Variants in ACACA observed in about 807,000 individuals in gnomAD.
ACACA encodes acetyl-CoA carboxylase alpha.
Under a neutral mutation model 296.1 loss-of-function variants are expected in ACACA, and 103 were observed. That is an observed-to-expected ratio of 0.35 (90% confidence interval 0.30 to 0.41). The LOEUF is 0.41. Among genes scored for constraint, ACACA ranks in the 10% least tolerant of loss-of-function variants. ACACA has a pLI of 1.00. For synonymous variants in ACACA, 953 were observed against 1,038.6 expected, an observed-to-expected ratio of 0.92 and a Z score of 1.58; for missense variants, 1,554 against 2,989.7, an observed-to-expected ratio of 0.52 and a Z score of 11.20.
intron 48 of ACACA, 105 bp from the exon 49 acceptor site, chr17:37,122,732 AAC>A (rs1479902870): frequency 5.5e-5 from 50 of 906,168 alleles, no homozygotes; most frequent in Non-Finnish European, 1.8e-6. Context: ...ACTAGAAACA[AAC>A]ACAGAGAGCA....
chr17:37,158,554 C>T (rs1446427489), intron 42 of ACACA, among the ~76,000 whole-genome samples: 1 of 151,976 alleles, frequency 6.6e-6, no homozygotes, highest in Non-Finnish European at 1.5e-5. Context: ...TGCTTCAACC[C>T]AGGAGGCAGA....
At chr17:37,170,293 T>C (rs2076836517) in intron 41 of ACACA, among the ~76,000 whole-genome samples, 1 of 151,962 alleles carries the variant, frequency 6.6e-6, no homozygotes, top group South Asian at 2.1e-4. Context: ...GATTCTGGAA[T>C]GAACAGCTCA....
intron 41 of ACACA, among the ~76,000 whole-genome samples, chr17:37,176,645 C>A (rs2077127719): frequency 6.6e-6 from 1 of 152,164 alleles, no homozygotes; most frequent in African/African-American, 2.4e-5. Flanking sequence ...CTGGGCTCAG[C>A]ACGAGGAAAT....
chr17:37,292,389 T>C (rs2083111781), intron 3 of ACACA, among the ~76,000 whole-genome samples: 1 of 152,160 alleles, frequency 6.6e-6, no homozygotes, highest in Admixed American at 6.6e-5. Context: ...CCCTTGGAAC[T>C]TTCTAAACAG....
At chr17:37,239,774 A>T (rs903262823) in intron 24 of ACACA, among the ~76,000 whole-genome samples, 4 of 152,178 alleles carry the variant, frequency 2.6e-5, no homozygotes, top group Admixed American at 6.5e-5. Flanking sequence ...CGGTTTGCTG[A>T]TATCTACATG....
At chr17:37,271,970 T>C (rs2146413930) in intron 9 of ACACA, among the ~76,000 whole-genome samples, 1 of 152,256 alleles carries the variant, frequency 6.6e-6, no homozygotes, top group African/African-American at 2.4e-5. Context: ...AGACCCTGTT[T>C]CAATAAAATA....
chr17:37,344,442 C>T (rs1175097915), intron 1 of ACACA, among the ~76,000 whole-genome samples: 1 of 152,096 alleles, frequency 6.6e-6, no homozygotes, highest in Admixed American at 6.6e-5. Flanking sequence ...CCTATAATCC[C>T]AGCTACCTGG....
intron 45 of ACACA, among the ~76,000 whole-genome samples, chr17:37,148,135 C>A (rs1286761635): frequency 3.3e-5 from 5 of 150,868 alleles, no homozygotes; most frequent in Admixed American, 2.6e-4. Flanking sequence ...TTTTTAAAAT[C>A]TTTCAAAAAT....
intron 54 of ACACA, among the ~76,000 whole-genome samples, chr17:37,094,656 C>G (rs1428323758): frequency 6.6e-6 from 1 of 151,514 alleles, no homozygotes; most frequent in African/African-American, 2.4e-5. Context: ...CACTGCAACC[C>G]TTTCTTCTCT....
chr17:37,272,662 T>C (rs1292170447), intron 9 of ACACA, among the ~76,000 whole-genome samples: 1 of 152,068 alleles, frequency 6.6e-6, no homozygotes, highest in Non-Finnish European at 1.5e-5. Context: ...CCATTAAAAA[T>C]ATTTTGGAAG....
intron 1 of ACACA, among the ~76,000 whole-genome samples, chr17:37,381,815 GAT>G (rs2050287827): frequency 2.6e-5 from 4 of 151,662 alleles, no homozygotes; most frequent in South Asian, 4.2e-4. Context: ...TTTTGGTAGA[GAT>G]GGGGTTTCAC....
At chr17:37,235,935 A>T (rs571391799) in intron 24 of ACACA, among the ~76,000 whole-genome samples, 1 of 152,240 alleles carries the variant, frequency 6.6e-6, no homozygotes, top group South Asian at 2.1e-4. Flanking sequence ...GATATCTGCC[A>T]TGGGATATAA....
At position 37,275,420 on chromosome 17, in the gene ACACA, C is replaced by T. The variant is rs534227625; in HGVS notation, c.901+531G>A. Among the ~76,000 whole-genome samples the T allele has an allele frequency of 8.6e-4, 120 of 139,078 alleles. 1 individual carries two copies. The highest frequency in any genetic ancestry group is 3.1e-3 in the African/African-American group (114 of 36,194). The allele number at this position is 139,078 out of a possible 152,430, so 91.2% of individuals were successfully genotyped here. ...GCTGAGGCAGAGAATTGCTTGAACC[C>T]GGAAGGTGGAGGATGCAGTAAGCCA... On this transcript the variant is annotated intron_variant, in intron 8 of 55. Transcript: ENST00000616317.
chr17:37,338,166 T>C (rs556987431), intron 2 of ACACA, among the ~76,000 whole-genome samples: 47 of 146,224 alleles, frequency 3.2e-4, no homozygotes, highest in Non-Finnish European at 7.4e-5. Context: ...AAAAGTATGA[T>C]GCAACATGAG....
intron 41 of ACACA, among the ~76,000 whole-genome samples, chr17:37,169,402 CTT>C (rs2144629177): frequency 6.6e-6 from 1 of 152,328 alleles, no homozygotes; most frequent in Non-Finnish European, 1.5e-5. Context: ...TTGAAAAATG[CTT>C]CCCTCTGCCC....
At chr17:37,147,962 A>T (rs2144045623) in intron 45 of ACACA, among the ~76,000 whole-genome samples, 1 of 152,214 alleles carries the variant, frequency 6.6e-6, no homozygotes, top group Non-Finnish European at 1.5e-5. Context: ...AAAACCCAAC[A>T]TCTGCTTTTT....
At chr17:37,315,371 C>T (rs79085280) in intron 3 of ACACA, among the ~76,000 whole-genome samples, 1,736 of 152,210 alleles carry the variant, frequency 0.011, 37 homozygotes, top group African/African-American at 0.038. Context: ...ACTTTGACAC[C>T]GAATGTACAG....
rs12936609 is a variant in ACACA, at chr17:37,275,221, G to A, written c.901+730C>T. Among the ~76,000 whole-genome samples, 1,145 of 152,300 alleles carry A rather than the reference G, an allele frequency of 7.5e-3. 7 individuals carry two copies. Among genetic ancestry groups the A allele is most frequent in the Non-Finnish European group, 0.013 (903 of 68,026 alleles). On this transcript the variant is annotated intron_variant, in intron 8 of 55. Transcript: ENST00000616317. Reference sequence around the variant, plus strand: ...TGATATCAAGAAAACATTGGCGCCAGGCGCGGTGGCTCATGCCTGTAATCC... The same window carrying A: ...TGATATCAAGAAAACATTGGCGCCAAGCGCGGTGGCTCATGCCTGTAATCC...
Position 37,130,180 on chromosome 17 carries a change from C to T in ACACA, c.5718G>A (p.Leu1906=). The T allele has an allele frequency of 6.2e-7, 1 of 1,614,164 alleles. No individual in the cohort carries two copies. The highest frequency in any genetic ancestry group is 8.5e-7 in the Non-Finnish European group (1 of 1,180,016). Residue 1906 remains leucine, a synonymous_variant, in exon 46 of 56, where the codon CTG becomes CTA. Transcript: ENST00000616317. ...GREVYTSNNQ[L]GGIQIMHNNG... ...TGTTGTGCATAATCTGGATGCCCCC[C>T]AGCTGGTTATTGGAGGTGTACACTT...
Sources: allele counts gnomAD v4.1 joint callset (sites outside exome capture counted in the v4.1 genomes callset), GRCh38; gene constraint gnomAD v4.1.1; transcripts MANE v1.5; gene names NCBI Gene and HGNC (gene_info 2026-07-23, HGNC 2026-07-21).